ALKBH8: variants seen among roughly 807,000 people sequenced by gnomAD.
ALKBH8 encodes tRNA (carboxymethyluridine(34)-5-O)-methyltransferase ALKBH8.
ALKBH8 carries 36 observed loss-of-function variants against 59.8 expected under a neutral mutation model. That is an observed-to-expected ratio of 0.60 (90% CI 0.46 to 0.79). The LOEUF (loss-of-function observed/expected upper bound fraction) is 0.79. Among genes scored for constraint, ALKBH8 ranks in the 30% least tolerant of loss-of-function variants. The probability of loss-of-function intolerance (pLI) is 0.00; values close to 1 mark genes in which losing one functional copy is unlikely to be tolerated. For synonymous variants in ALKBH8, 276 were observed against 273.6 expected (o/e 1.01, Z -0.09); for missense variants, 768 against 801.0 (o/e 0.96, Z 0.50).
chr11:107,525,285 G>A (rs772030788), intron 9 of ALKBH8, among the ~76,000 whole-genome samples, 156 bp downstream of exon 9: 37 of 152,216 alleles, frequency 2.4e-4, no homozygotes, highest in African/African-American at 7.7e-4. Context: ...AATGAGGGTC[G>A]TTAAGAAAAG....
chr11:107,548,468 C>T (rs1481638423), intron 7 of ALKBH8, among the ~76,000 whole-genome samples: 1 of 152,144 alleles, frequency 6.6e-6, no homozygotes, highest in Non-Finnish European at 1.5e-5. Context: ...AGAAGATGTC[C>T]TTTACTGGTC....
intron 1 of ALKBH8, among the ~76,000 whole-genome samples, chr11:107,563,325 G>C (rs888387771): frequency 2.6e-5 from 4 of 152,140 alleles, no homozygotes; most frequent in Non-Finnish European, 5.9e-5. Flanking sequence ...TTACCACAGA[G>C]CCTCATTCAG....
chr11:107,549,603 G>A, intron 7 of ALKBH8, 150 bp downstream of exon 7: 1 of 481,564 alleles, frequency 2.1e-6, no homozygotes, highest in Non-Finnish European at 3.5e-6. Context: ...TAAAAGAAGA[G>A]GACATTTAAA....
chr11:107,518,137 A>G (rs1028929800), intron 10 of ALKBH8, among the ~76,000 whole-genome samples: 4 of 152,232 alleles, frequency 2.6e-5, no homozygotes, highest in African/African-American at 9.6e-5. Flanking sequence ...ATATATCAGA[A>G]TATAAATGAG....
chr11:107,504,819 C>A lies in ALKBH8; in HGVS notation c.1834G>T (p.Gly612Cys), dbSNP rs61749473. 3.4e-3 allele frequency: 5,253 copies of A among 1,551,738 alleles called. 156 individuals carry two copies. In the African/African-American group the frequency reaches 0.062, roughly 18 times the overall value. ...CTTGGGTCCTGGGATCCTATGGGAC[C>A]AAATGGCTCAACAGGTTTGCCTTTA... The part of the protein sequence containing the change: ...PDKGKPVEPF[G>C]PIGSQDPSPV... The change falls in exon 12 of 12, where the codon GGT becomes TGT. Residue 612 changes from glycine (G) to cysteine (C), a missense_variant. Physicochemically the swap from Gly to Cys is radical, Grantham distance 159. Coordinates refer to ENST00000428149, the MANE Select transcript of ALKBH8 (RefSeq NM_138775.3).
At position 107,547,151 on chromosome 11, in the gene ALKBH8, A is replaced by ATTT. The variant is rs547129072; in HGVS notation, c.771+2601_771+2602insAAA. On this transcript the variant is annotated intron_variant, in intron 7 of 11. Coordinates refer to ENST00000428149, the MANE Select transcript of ALKBH8 (RefSeq NM_138775.3). ...CCACTGACAAAATTATTACAATGAA[A>ATTT]TGGAAGCTGCCATAGGCATTACAGG... 1.1e-4 allele frequency among the ~76,000 whole-genome samples: 16 copies of ATTT among 152,342 alleles called. 1 individual carries two copies. In the South Asian group the frequency reaches 3.3e-3, roughly 32 times the overall value.
Position 107,503,491 on chromosome 11 carries a change from T to A in ALKBH8, c.*1167A>T, listed in dbSNP as rs1862255736. 6.6e-6 allele frequency: 1 copy of A among 152,162 alleles called. No homozygotes were observed. Among genetic ancestry groups the A allele is most frequent in the Non-Finnish European group, 1.5e-5 (1 of 68,012 alleles). The allele number at this position is 152,162 out of a possible 1,614,324, so 9.4% of individuals were successfully genotyped here. A position where few individuals can be genotyped will look rare whatever the true frequency, so the allele number is the denominator to read the frequency against. Reference sequence around the variant, plus strand: ...ACTGGGAGTAAAGTGTTCAAAAAATTTTTTCTTTGAAAAAAAGCCTTTTCC... The same window carrying A: ...ACTGGGAGTAAAGTGTTCAAAAAATATTTTCTTTGAAAAAAAGCCTTTTCC... On this transcript the variant is annotated 3_prime_UTR_variant, in exon 12 of 12. Coordinates refer to ENST00000428149, the MANE Select transcript of ALKBH8 (RefSeq NM_138775.3).
chr11:107,532,507 G>T (rs1863638870), intron 7 of ALKBH8, 101 bp from the exon 8 acceptor site: 1 of 895,640 alleles, frequency 1.1e-6, no homozygotes, highest in Non-Finnish European at 1.8e-6. Flanking sequence ...GGCTAACAGA[G>T]ATTAAAACAT....
chr11:107,524,758 G>A (rs926520621), intron 9 of ALKBH8, among the ~76,000 whole-genome samples: 15 of 151,998 alleles, frequency 9.9e-5, no homozygotes, highest in African/African-American at 3.4e-4. Context: ...TCAAGATTAT[G>A]ACTAAATCCA....
At chr11:107,525,849 A>C (rs200259270) in intron 8 of ALKBH8, among the ~76,000 whole-genome samples, 3 of 152,136 alleles carry the variant, frequency 2.0e-5, no homozygotes, top group East Asian at 3.9e-4. Context: ...ATTAACACCA[A>C]TTCTAAAAAA....
rs200942712 is a variant in ALKBH8 at position 107,560,903 on chromosome 11, T to TA, written c.-6-5dup. Reference sequence around the variant, plus strand: ...GATGGTTGCTGTCCATAGCAAACTGTAAAAAAACAAGACAGTAAAAAAGTC... The same window carrying TA: ...GATGGTTGCTGTCCATAGCAAACTGTAAAAAAAACAAGACAGTAAAAAAGTC... On this transcript the variant is annotated splice_region_variant and splice_polypyrimidine_tract_variant and intron_variant, in intron 1 of 11. Transcript: ENST00000428149. 7.9e-4 allele frequency: 1,214 copies of TA among 1,541,836 alleles called. 1 individual carries two copies. Among genetic ancestry groups the TA allele is most frequent in the South Asian group, 1.4e-3 (119 of 85,054 alleles).
In ALKBH8 at chr11:107,525,484, T is replaced by A. The variant is rs1433425378; in HGVS notation, c.987A>T (p.Thr329=). The change falls in exon 9 of 12, where the codon ACA becomes ACT. Residue 329 remains threonine, a synonymous_variant. Transcript: ENST00000428149. ...GCCTCACTTTCCTAAATGTAAATGA[T>A]GTTCGTAGTCCCCTCTTGCTTAAAG... The part of the protein sequence containing the change: ...DLTLSKRGLR[T]SFTFRKVRQT... 5 of 1,545,676 alleles carry A rather than the reference T, an allele frequency of 3.2e-6. No individual in the cohort carries two copies. In the Admixed American group the frequency reaches 8.0e-5, roughly 25 times the overall value.
intron 7 of ALKBH8, among the ~76,000 whole-genome samples, chr11:107,537,194 G>A (rs758385515): frequency 2.0e-5 from 3 of 152,238 alleles, no homozygotes; most frequent in African/African-American, 7.2e-5. Context: ...GGTTAGTTTT[G>A]TGCAGTGTTT....
Position 107,525,379 on chromosome 11 carries a change from C to A in ALKBH8, c.1030+62G>T. 5 of 1,448,326 alleles carry A rather than the reference C, an allele frequency of 3.5e-6. No individual in the cohort carries two copies. In the South Asian group the frequency reaches 4.2e-5, roughly 12 times the overall value. The allele number at this position is 1,448,326 out of a possible 1,614,324, so 89.7% of individuals were successfully genotyped here. On this transcript the variant is annotated intron_variant, in intron 9 of 11. Coordinates refer to ENST00000428149, the MANE Select transcript of ALKBH8 (RefSeq NM_138775.3). Reference sequence around the variant, plus strand: ...AAGCTCTCCTAGGTGTTGACAGGACCTTAAAGGACTTTTATATTAAACTGA... The same window carrying A: ...AAGCTCTCCTAGGTGTTGACAGGACATTAAAGGACTTTTATATTAAACTGA...
chr11:107,525,486 T>G lies in ALKBH8; in HGVS notation c.985A>C (p.Thr329Pro). 1 of 1,545,212 alleles carries G rather than the reference T, an allele frequency of 6.5e-7. No individual in the cohort carries two copies. ...DLTLSKRGLR[T>P]SFTFRKVRQT... ...CTCACTTTCCTAAATGTAAATGATG[T>G]TCGTAGTCCCCTCTTGCTTAAAGTT... Residue 329 changes from threonine to proline, a missense_variant, in exon 9 of 12, where the codon ACA (threonine) becomes CCA (proline). By Grantham distance (38) the Thr-to-Pro change is conservative (BLOSUM62 -1). Coordinates refer to ENST00000428149, the MANE Select transcript of ALKBH8 (RefSeq NM_138775.3).
chr11:107,539,150 A>G (rs1863936519), intron 7 of ALKBH8, among the ~76,000 whole-genome samples: 1 of 152,236 alleles, frequency 6.6e-6, no homozygotes, highest in African/African-American at 2.4e-5. Flanking sequence ...GCTAAGCTGA[A>G]AAGTAACTGG....
chr11:107,560,952 A>T, intron 1 of ALKBH8, 53 bp from the exon 2 acceptor site: 1 of 1,461,740 alleles, frequency 6.8e-7, no homozygotes, highest in Non-Finnish European at 9.3e-7. Flanking sequence ...CTGAAGGAAC[A>T]ATTATAATGA....
chr11:107,538,282 T>G (rs1863905748), intron 7 of ALKBH8, among the ~76,000 whole-genome samples: 3 of 152,158 alleles, frequency 2.0e-5, no homozygotes, highest in African/African-American at 2.4e-5. Context: ...CTATGAAAAT[T>G]ACATTTTTCC....
intron 7 of ALKBH8, among the ~76,000 whole-genome samples, chr11:107,538,656 T>C (rs1863919236): frequency 6.6e-6 from 1 of 152,152 alleles, no homozygotes; most frequent in Non-Finnish European, 1.5e-5. Flanking sequence ...AGAACAAAAA[T>C]GCCAGACACA....
Sources: allele counts gnomAD v4.1 joint callset (sites outside exome capture counted in the v4.1 genomes callset), GRCh38; gene constraint gnomAD v4.1.1; transcripts MANE v1.5; gene names NCBI Gene and HGNC (gene_info 2026-07-23, HGNC 2026-07-21).